Variants in COX10 observed in about 807,000 individuals in gnomAD.
COX10 encodes the protein protoheme IX farnesyltransferase, mitochondrial.
A neutral mutation model predicts 37.3 loss-of-function variants in COX10; 27 were observed. The ratio of observed to expected loss-of-function variants is 0.72; its 90% CI spans 0.53 to 1.00. COX10 has a LOEUF of 1.00. Ranked by LOEUF, COX10 falls within the 50% of genes least tolerant of loss-of-function variation. COX10 has a pLI of 0.00. For synonymous variants in COX10, 222 were observed against 229.1 expected (o/e 0.97, Z 0.28); for missense variants, 475 against 563.2 (o/e 0.84, Z 1.59).
chr17:14,139,831 A>C (rs1376926989), intron 4 of COX10, among the ~76,000 whole-genome samples: 1 of 152,146 alleles, frequency 6.6e-6, no homozygotes, highest in East Asian at 1.9e-4. Flanking sequence ...AAAAATTAGA[A>C]TGTGCTATAA....
intron 5 of COX10, among the ~76,000 whole-genome samples, chr17:14,189,341 C>T (rs1906132251): frequency 6.6e-6 from 1 of 152,046 alleles, no homozygotes; most frequent in African/African-American, 2.4e-5. Flanking sequence ...TCATTTTTTC[C>T]TCACAAATTG....
intron 5 of COX10, among the ~76,000 whole-genome samples, chr17:14,182,606 C>T (rs993500896): frequency 2.0e-5 from 3 of 152,174 alleles, no homozygotes; most frequent in African/African-American, 7.2e-5. Flanking sequence ...TCCAGAAACT[C>T]ATTTCCAAGC....
chr17:14,095,115 A>G (rs751860930), intron 3 of COX10, among the ~76,000 whole-genome samples: 22 of 152,230 alleles, frequency 1.4e-4, no homozygotes, highest in Non-Finnish European at 2.5e-4. Flanking sequence ...GAACAGCTAG[A>G]GCTCTTCTGT....
At chr17:14,095,788 T>C (rs1328540451) in intron 3 of COX10, among the ~76,000 whole-genome samples, 1 of 152,136 alleles carries the variant, frequency 6.6e-6, no homozygotes, top group East Asian at 1.9e-4. Context: ...CCTGTATTCC[T>C]TCTAGCTGCC....
At chr17:14,091,763 C>T (rs918159051) in intron 3 of COX10, among the ~76,000 whole-genome samples, 13 of 152,082 alleles carry the variant, frequency 8.5e-5, no homozygotes, top group South Asian at 2.1e-4. Flanking sequence ...AAAGTCGGAA[C>T]GATACTTGAA....
At chr17:14,188,823 T>A (rs1329115482) in intron 5 of COX10, among the ~76,000 whole-genome samples, 2 of 151,694 alleles carry the variant, frequency 1.3e-5, no homozygotes, top group Non-Finnish European at 2.9e-5. Flanking sequence ...AGCTTTCTGC[T>A]AAAGCTTTGC....
At chr17:14,191,551 A>G (rs527656675) in intron 5 of COX10, among the ~76,000 whole-genome samples, 3 of 152,330 alleles carry the variant, frequency 2.0e-5, no homozygotes, top group South Asian at 4.1e-4. Context: ...CAATCTTCCA[A>G]TATTGTGTTT....
intron 4 of COX10, among the ~76,000 whole-genome samples, chr17:14,118,654 T>C (rs1421917816): frequency 6.6e-6 from 1 of 152,176 alleles, no homozygotes; most frequent in Admixed American, 6.5e-5. Flanking sequence ...TCAGAAGTAC[T>C]ATAATGTAGG....
At position 14,182,387 on chromosome 17, in the gene COX10, G is replaced by T. The variant is rs192495660; in HGVS notation, c.696-9602G>T. The T allele has an allele frequency of 4.9e-5, 43 of 883,810 alleles. No individual in the cohort carries two copies. The Admixed American group carries it at 2.5e-3, about 52-fold the overall frequency. 54.7% of individuals were successfully genotyped at this position (883,810 alleles called of 1,614,324 possible). On this transcript the variant is annotated intron_variant, in intron 5 of 6. Coordinates refer to ENST00000261643, the MANE Select transcript of COX10 (RefSeq NM_001303.4). ...AATATATTTTCTTCTTATATTCTTC[G>T]CATTTCTTTTAAACATGTTTTAAAA...
chr17:14,199,892 C>G (rs192064464), intron 6 of COX10, among the ~76,000 whole-genome samples: 1 of 152,142 alleles, frequency 6.6e-6, no homozygotes, highest in East Asian at 1.9e-4. Context: ...CCCCAGCTAG[C>G]CCCCAGTCTA....
chr17:14,206,888 A>T lies in COX10; in HGVS notation c.1007A>T (p.Asp336Val), dbSNP rs104894557. Residue 336 changes from aspartate (D) to valine (V), a missense_variant, in exon 7 of 7, where the codon GAC becomes GTC. By Grantham distance (152) the Asp-to-Val change is radical. Transcript: ENST00000261643. ...FNALSWGLRE[D>V]YSRGGYCMMS... ...GCCCTGAGCTGGGGCCTCCGTGAAG[A>T]CTACTCCCGGGGCGGCTACTGCATG... 1.3e-4 allele frequency: 206 copies of T among 1,614,004 alleles called. No individual in the cohort carries two copies. Among genetic ancestry groups the T allele is most frequent in the Non-Finnish European group, 1.7e-4 (201 of 1,179,966 alleles).
intron 3 of COX10, among the ~76,000 whole-genome samples, chr17:14,095,409 C>G (rs1291953864): frequency 6.6e-6 from 1 of 152,170 alleles, no homozygotes; most frequent in Non-Finnish European, 1.5e-5. Context: ...TCATCGCCTC[C>G]CACCTAGCGC....
At chr17:14,115,606 G>A (rs77249021) in intron 4 of COX10, among the ~76,000 whole-genome samples, 9,717 of 152,104 alleles carry the variant, frequency 0.064, 390 homozygotes, top group Middle Eastern at 0.11. Flanking sequence ...CCCTACCACC[G>A]TAGCAAAGAT....
intron 6 of COX10, among the ~76,000 whole-genome samples, chr17:14,200,454 C>T (rs1173262189): frequency 6.6e-6 from 1 of 152,196 alleles, no homozygotes. Context: ...TAATACAGCC[C>T]TCTAATCAGA....
Position 14,188,488 on chromosome 17 carries a change from A to AAC in COX10, c.696-3501_696-3500insAC, listed in dbSNP as rs1555541017. Among the ~76,000 whole-genome samples, 158 of 151,078 alleles carry AAC rather than the reference A, an allele frequency of 1.0e-3. 1 individual carries two copies. The highest frequency in any genetic ancestry group is 3.1e-3 in the African/African-American group (129 of 41,252). Reference sequence around the variant, plus strand: ...AAAAGATAAAAATTAAAAAAAAAAAACTATTTCTCAACCTAATCTCCATCA... The same window carrying AAC: ...AAAAGATAAAAATTAAAAAAAAAAAAACCTATTTCTCAACCTAATCTCCATCA... On this transcript the variant is annotated intron_variant, in intron 5 of 6. Coordinates refer to ENST00000261643, the MANE Select transcript of COX10 (RefSeq NM_001303.4).
chr17:14,091,501 C>G (rs1915525765), intron 3 of COX10, among the ~76,000 whole-genome samples: 1 of 151,990 alleles, frequency 6.6e-6, no homozygotes. Context: ...CTTGCCTAAC[C>G]AATTAATAGG....
Position 14,089,011 on chromosome 17 carries a change from A to C in COX10, c.499+11955A>C, listed in dbSNP as rs574663608. ...ATGTCTCATTGGCCAGGAGTGTGCC[A>C]CGTGGCTACCTCCAGCTGCAAGGGA... On this transcript the variant is annotated intron_variant, in intron 3 of 6. Coordinates refer to ENST00000261643, the MANE Select transcript of COX10 (RefSeq NM_001303.4). Among the ~76,000 whole-genome samples, 4 of 152,302 alleles carry C rather than the reference A, an allele frequency of 2.6e-5. No homozygotes were observed. The South Asian group carries it at 8.3e-4, about 32-fold the overall frequency.
chr17:14,077,991 ACTT>A (rs976477369), intron 3 of COX10, among the ~76,000 whole-genome samples: 3 of 150,046 alleles, frequency 2.0e-5, no homozygotes, highest in Non-Finnish European at 4.4e-5. Context: ...TAACTAGACA[ACTT>A]CTCTCCTTAG....
At chr17:14,141,704 T>G (rs1904550171) in intron 4 of COX10, among the ~76,000 whole-genome samples, 1 of 152,128 alleles carries the variant, frequency 6.6e-6, no homozygotes, top group Non-Finnish European at 1.5e-5. Flanking sequence ...ATTTATTATC[T>G]AACATTGTTT....
Sources: allele counts gnomAD v4.1 joint callset (sites outside exome capture counted in the v4.1 genomes callset), GRCh38; gene constraint gnomAD v4.1.1; transcripts MANE v1.5; gene names NCBI Gene and HGNC (gene_info 2026-07-23, HGNC 2026-07-21).